MBD5: variants seen among roughly 807,000 people sequenced by gnomAD.
MBD5 encodes methyl-CpG-binding domain protein 5.
A neutral mutation model predicts 117.3 loss-of-function variants in MBD5; 13 were observed. The observed-to-expected ratio is 0.11, with a 90% CI of 0.07 to 0.18. MBD5 has a LOEUF of 0.18. Among genes scored for constraint, MBD5 ranks in the 10% least tolerant of loss-of-function variants. The pLI, the probability that MBD5 is intolerant of heterozygous loss-of-function variation, is 1.00. For synonymous variants in MBD5, 727 were observed against 766.4 expected, an observed-to-expected ratio of 0.95 and a Z score of 0.85; for missense variants, 1,879 against 2,093.8, an observed-to-expected ratio of 0.90 and a Z score of 2.00.
At chr2:148,271,729 A>G (rs1377638868) in intron 3 of MBD5, among the ~76,000 whole-genome samples, 1 of 152,184 alleles carries the variant, frequency 6.6e-6, no homozygotes, top group East Asian at 1.9e-4. Context: ...TACATTGTGA[A>G]TTGGCTAAAT....
At chr2:148,263,043 T>C (rs1700769049) in intron 3 of MBD5, among the ~76,000 whole-genome samples, 1 of 152,118 alleles carries the variant, frequency 6.6e-6, no homozygotes, top group African/African-American at 2.4e-5. Flanking sequence ...CATGCGTTGT[T>C]TGATTGACTA....
chr2:148,261,946 G>A (rs1700743505), intron 3 of MBD5, among the ~76,000 whole-genome samples: 1 of 152,164 alleles, frequency 6.6e-6, no homozygotes, highest in South Asian at 2.1e-4. Flanking sequence ...GCCGGATTCT[G>A]TGGTAGTCAG....
chr2:148,482,293 A>T (rs1192091545), intron 8 of MBD5, among the ~76,000 whole-genome samples: 1 of 152,132 alleles, frequency 6.6e-6, no homozygotes, highest in Non-Finnish European at 1.5e-5. Context: ...CAATAGTAAA[A>T]GATTGGAAAT....
At chr2:148,505,473 A>T (rs1397418843) in intron 12 of MBD5, among the ~76,000 whole-genome samples, 1 of 152,186 alleles carries the variant, frequency 6.6e-6, no homozygotes, top group Non-Finnish European at 1.5e-5. Context: ...AAGTAGACAG[A>T]GTCTCAGAAG....
chr2:148,378,976 T>C (rs1024834592), intron 4 of MBD5, among the ~76,000 whole-genome samples: 2 of 151,870 alleles, frequency 1.3e-5, no homozygotes, highest in African/African-American at 4.8e-5. Context: ...GAACATAGCA[T>C]AGAAAGAAAA....
intron 3 of MBD5, among the ~76,000 whole-genome samples, chr2:148,317,986 AGG>A (rs1702193800): frequency 2.6e-5 from 4 of 152,288 alleles, no homozygotes; most frequent in African/African-American, 9.6e-5. Flanking sequence ...TGGAATTGCT[AGG>A]TTGAATTGTA....
intron 1 of MBD5, among the ~76,000 whole-genome samples, chr2:148,154,788 G>A (rs1476075369): frequency 6.6e-6 from 1 of 152,258 alleles, no homozygotes; most frequent in East Asian, 1.9e-4. Context: ...CCCTGCTTCG[G>A]CTCGCGCACG....
At chr2:148,457,781 A>G (rs1706929818) in intron 4 of MBD5, among the ~76,000 whole-genome samples, 1 of 152,184 alleles carries the variant, frequency 6.6e-6, no homozygotes, top group Non-Finnish European at 1.5e-5. Context: ...AATGATTAGA[A>G]AAGAAAACTG....
In MBD5 at chr2:148,403,458, G is replaced by T. The variant is rs559491399; in HGVS notation, c.-556-54745G>T. Among the ~76,000 whole-genome samples the T allele has an allele frequency of 9.2e-5, 14 of 152,268 alleles. No homozygotes were observed. The East Asian group carries it at 2.7e-3, about 29-fold the overall frequency. On this transcript the variant is annotated intron_variant, in intron 4 of 13. Coordinates refer to ENST00000642680, the MANE Select transcript of MBD5 (RefSeq NM_001378120.1). ...ATCTCCCAAAGTTCTGGGATTATAG[G>T]AGTGAACCATCAAGCTCAGCCATAA...
chr2:148,395,142 G>A (rs1303895194), intron 4 of MBD5, among the ~76,000 whole-genome samples: 1 of 152,038 alleles, frequency 6.6e-6, no homozygotes, highest in African/African-American at 2.4e-5. Context: ...TCCCCTTAAG[G>A]GATATAGTTT....
chr2:148,044,527 A>G (rs1275512240), intron 1 of MBD5: 3 of 152,210 alleles, frequency 2.0e-5, no homozygotes, highest in Admixed American at 6.5e-5. Context: ...ACGGGAGACC[A>G]GGTAAAATAA....
intron 1 of MBD5, among the ~76,000 whole-genome samples, chr2:148,038,808 G>T (rs1373530480): frequency 6.6e-6 from 1 of 151,786 alleles, no homozygotes; most frequent in Admixed American, 6.6e-5. Flanking sequence ...TGATGTTACT[G>T]TTTAAATTAT....
chr2:148,514,231 A>C lies in MBD5; in HGVS notation c.*1290A>C. 1 of 152,332 alleles carries C rather than the reference A, an allele frequency of 6.6e-6. No homozygotes were observed. The highest frequency in any genetic ancestry group is 1.9e-4 in the East Asian group (1 of 5,192). 9.4% of individuals were successfully genotyped at this position (152,332 alleles called of 1,614,324 possible). A position where few individuals can be genotyped will look rare whatever the true frequency, so the allele number is the denominator to read the frequency against. On this transcript the variant is annotated 3_prime_UTR_variant, in exon 14 of 14. Transcript: ENST00000642680. The stretch of plus-strand genomic sequence containing the variant: ...TTAACCAAATTATTTATATTATATT[A>C]AGTAAGAAAAAATGTGAAACAAATG...
intron 11 of MBD5, among the ~76,000 whole-genome samples, chr2:148,493,341 A>G (rs1049410265): frequency 6.6e-6 from 1 of 152,244 alleles, no homozygotes; most frequent in East Asian, 1.9e-4. Context: ...ATAAAAATCT[A>G]CGTTAACACA....
At chr2:148,154,268 T>C (rs1697790333) in intron 1 of MBD5, among the ~76,000 whole-genome samples, 1 of 152,160 alleles carries the variant, frequency 6.6e-6, no homozygotes, top group Admixed American at 6.5e-5. Flanking sequence ...AGTGACCCAC[T>C]TGAGGAGGCA....
chr2:148,188,991 G>T (rs1698751822), intron 2 of MBD5, among the ~76,000 whole-genome samples: 1 of 150,140 alleles, frequency 6.7e-6, no homozygotes, highest in Non-Finnish European at 1.5e-5. Context: ...AAAGAAAGGG[G>T]TGACGGACGC....
chr2:148,321,352 T>C (rs1317717533), intron 3 of MBD5, among the ~76,000 whole-genome samples: 4 of 152,168 alleles, frequency 2.6e-5, no homozygotes, highest in Non-Finnish European at 5.9e-5. Context: ...TTTAAAAGTT[T>C]ACAAATTTGT....
At chr2:148,102,863 A>G (rs1200744702) in intron 1 of MBD5, among the ~76,000 whole-genome samples, 4 of 152,044 alleles carry the variant, frequency 2.6e-5, no homozygotes, top group Non-Finnish European at 5.9e-5. Flanking sequence ...AGGAGCTCAC[A>G]GTCTGTTCAC....
At chr2:148,095,158 G>A (rs569377536) in intron 1 of MBD5, among the ~76,000 whole-genome samples, 4 of 152,254 alleles carry the variant, frequency 2.6e-5, no homozygotes, top group East Asian at 1.9e-4. Context: ...ATCACTTTTA[G>A]TAAATCCAGA....
Sources: allele counts gnomAD v4.1 joint callset (sites outside exome capture counted in the v4.1 genomes callset), GRCh38; gene constraint gnomAD v4.1.1; transcripts MANE v1.5; gene names NCBI Gene and HGNC (gene_info 2026-07-23, HGNC 2026-07-21).